Variants in PTPRT observed in about 807,000 individuals in gnomAD.
PTPRT encodes protein tyrosine phosphatase receptor type T.
PTPRT carries 56 observed loss-of-function variants against 176.8 expected under a neutral mutation model. The observed-to-expected ratio is 0.32, with a 90% CI of 0.26 to 0.40. The LOEUF is 0.40. Ranked by LOEUF, PTPRT falls within the 10% of genes least tolerant of loss-of-function variation. The pLI is 1.00. For missense variants in PTPRT, 1,540 were observed against 1,908.2 expected (o/e 0.81, Z 3.60); for synonymous variants, 783 against 739.0 (o/e 1.06, Z -0.96).
At chr20:42,327,080 GGTGTGTGTGTGTGT>G (rs139401290) in intron 11 of PTPRT, among the ~76,000 whole-genome samples, 1 of 146,332 alleles carries the variant, frequency 6.8e-6, no homozygotes, top group African/African-American at 2.5e-5. Flanking sequence ...ACTAGGTAGG[GGTGTGTGTGTGTGT>G]GTGTGTGTGT....
chr20:42,370,434 A>G (rs1311154782), intron 9 of PTPRT, among the ~76,000 whole-genome samples: 3 of 152,150 alleles, frequency 2.0e-5, no homozygotes, highest in African/African-American at 7.2e-5. Flanking sequence ...TTTTCATCAG[A>G]GGACGGGCTA....
intron 1 of PTPRT, among the ~76,000 whole-genome samples, chr20:43,036,308 T>C (rs1986377722): frequency 6.6e-6 from 1 of 152,196 alleles, no homozygotes; most frequent in Non-Finnish European, 1.5e-5. Flanking sequence ...CATGGCATAC[T>C]ACAACTTTGA....
intron 1 of PTPRT, among the ~76,000 whole-genome samples, chr20:43,059,659 G>A (rs1329954526): frequency 1.3e-5 from 2 of 152,022 alleles, no homozygotes; most frequent in Non-Finnish European, 2.9e-5. Flanking sequence ...TTCCTCTTCT[G>A]AGCCCTCACC....
chr20:43,091,794 A>G (rs1396725368), intron 1 of PTPRT, among the ~76,000 whole-genome samples: 3 of 152,158 alleles, frequency 2.0e-5, no homozygotes, highest in African/African-American at 7.2e-5. Context: ...GGAAGGTAGG[A>G]GAGCACTTCA....
At chr20:42,253,744 T>G (rs1043350766) in intron 13 of PTPRT, among the ~76,000 whole-genome samples, 1 of 152,296 alleles carries the variant, frequency 6.6e-6, no homozygotes, top group East Asian at 1.9e-4. Context: ...CAGCTTGTAC[T>G]GACAGGAGAC....
chr20:42,158,720 T>G (rs1989461131), intron 17 of PTPRT, among the ~76,000 whole-genome samples: 1 of 152,214 alleles, frequency 6.6e-6, no homozygotes, highest in Non-Finnish European at 1.5e-5. Flanking sequence ...GGCAATATTT[T>G]CCAATTAACC....
intron 1 of PTPRT, among the ~76,000 whole-genome samples, chr20:43,038,962 T>G (rs1986496805): frequency 6.6e-6 from 1 of 152,176 alleles, no homozygotes; most frequent in South Asian, 2.1e-4. Context: ...GGAGGTATGT[T>G]GTACTTAGAT....
rs557673259 is a variant in PTPRT, at chr20:42,301,027, G to A, written c.2139+14696C>T. 2.6e-5 allele frequency among the ~76,000 whole-genome samples: 4 copies of A among 152,118 alleles called. No individual in the cohort carries two copies. In the East Asian group the frequency reaches 7.7e-4, roughly 29 times the overall value. On this transcript the variant is annotated intron_variant, in intron 12 of 30. Transcript: ENST00000373187. ...AATGGCAAACATCTTTGTAATAGTTGATTTCAACAAAAAATATCAGCAAAT... is the reference window on the plus strand; with the variant it reads ...AATGGCAAACATCTTTGTAATAGTTAATTTCAACAAAAAATATCAGCAAAT...
In PTPRT at chr20:42,764,350, G is replaced by T. The variant is rs1600712433; in HGVS notation, c.684+7085C>A. Among the ~76,000 whole-genome samples, 3 of 152,240 alleles carry T rather than the reference G, an allele frequency of 2.0e-5. No homozygotes were observed. In the South Asian group the frequency reaches 6.2e-4, roughly 32 times the overall value. Reference sequence around the variant, plus strand: ...AGAGAATTAAGAAGGCAACTAGGGGGTGGGGAGGCAATTCAAAAATAATTC... The same window carrying T: ...AGAGAATTAAGAAGGCAACTAGGGGTTGGGGAGGCAATTCAAAAATAATTC... On this transcript the variant is annotated intron_variant, in intron 5 of 30. Coordinates refer to ENST00000373187, the MANE Select transcript of PTPRT (RefSeq NM_007050.6).
intron 7 of PTPRT, among the ~76,000 whole-genome samples, chr20:42,508,348 A>C (rs981514266): frequency 1.3e-5 from 2 of 152,114 alleles, no homozygotes; most frequent in Non-Finnish European, 2.9e-5. Context: ...GTTGGGAGAG[A>C]GCCCTGGCTT....
chr20:42,497,570 A>G (rs1282615857), intron 7 of PTPRT, among the ~76,000 whole-genome samples: 2 of 152,008 alleles, frequency 1.3e-5, no homozygotes, highest in Admixed American at 1.3e-4. Flanking sequence ...GGCACCCAAC[A>G]TTGTACCAGG....
At chr20:42,953,855 C>T (rs776852037) in intron 1 of PTPRT, among the ~76,000 whole-genome samples, 13 of 152,160 alleles carry the variant, frequency 8.5e-5, no homozygotes, top group Non-Finnish European at 1.5e-4. Context: ...TTGTAGGGTG[C>T]TTAGCAGCAT....
At chr20:43,180,177 T>C (rs1013131744) in intron 1 of PTPRT, among the ~76,000 whole-genome samples, 2 of 152,174 alleles carry the variant, frequency 1.3e-5, no homozygotes, top group African/African-American at 4.8e-5. Context: ...TCAGTGCTCC[T>C]GGTTCTTGGG....
chr20:42,125,396 A>G (rs1262051227), intron 19 of PTPRT, among the ~76,000 whole-genome samples: 1 of 152,244 alleles, frequency 6.6e-6, no homozygotes, highest in Non-Finnish European at 1.5e-5. Context: ...ACAGGTCTTC[A>G]ACACAGACCA....
chr20:42,388,282 A>C (rs543061615), intron 9 of PTPRT, among the ~76,000 whole-genome samples: 104 of 152,354 alleles, frequency 6.8e-4, no homozygotes, highest in African/African-American at 2.3e-3. Context: ...AATGGGATCT[A>C]ATTAAACTAA....
At chr20:42,828,638 T>C (rs1225403733) in intron 2 of PTPRT, among the ~76,000 whole-genome samples, 1 of 152,092 alleles carries the variant, frequency 6.6e-6, no homozygotes, top group Non-Finnish European at 1.5e-5. Flanking sequence ...GTGTCCTGAA[T>C]CCCAGCCACT....
At chr20:42,108,492 A>T (rs527518977) in intron 23 of PTPRT, among the ~76,000 whole-genome samples, 49 of 152,358 alleles carry the variant, frequency 3.2e-4, no homozygotes, top group African/African-American at 1.1e-3. Flanking sequence ...CAATATGTAT[A>T]AATTGGATGA....
chr20:42,882,689 A>T (rs1600513945), intron 2 of PTPRT, among the ~76,000 whole-genome samples: 1 of 152,232 alleles, frequency 6.6e-6, no homozygotes, highest in East Asian at 1.9e-4. Context: ...TGTCTGATGT[A>T]CTGCATTAGG....
At chr20:43,106,658 C>CAA (rs1417314567) in intron 1 of PTPRT, among the ~76,000 whole-genome samples, 8 of 13,820 alleles carry the variant, frequency 5.8e-4, no homozygotes, top group African/African-American at 2.5e-3. Context: ...GACTCCATCT[C>CAA]AAAAAAAGAA....
Sources: allele counts gnomAD v4.1 joint callset (sites outside exome capture counted in the v4.1 genomes callset), GRCh38; gene constraint gnomAD v4.1.1; transcripts MANE v1.5; gene names NCBI Gene and HGNC (gene_info 2026-07-23, HGNC 2026-07-21).